The following CORO1C variants were observed in gnomAD, a reference collection of about 807,000 sequenced individuals.
The protein encoded by CORO1C is coronin 1C.
In CORO1C, 14 loss-of-function variants were observed where a neutral mutation model predicts 51.2. That is an observed-to-expected ratio of 0.27 (90% CI 0.18 to 0.43). CORO1C has a LOEUF of 0.43. CORO1C is among the 20% of genes least tolerant of loss of function. The pLI is 1.00. For missense variants in CORO1C, 417 were observed against 607.8 expected (o/e 0.69, Z 3.30); for synonymous variants, 181 against 210.5 (o/e 0.86, Z 1.21).
chr12:108,722,813 T>C (rs1362044626), intron 1 of CORO1C, among the ~76,000 whole-genome samples: 1 of 152,152 alleles, frequency 6.6e-6, no homozygotes, highest in Non-Finnish European at 1.5e-5. Flanking sequence ...CCTTTGAAGG[T>C]ATGATATGTT....
chr12:108,652,441 T>C (rs551622357), intron 7 of CORO1C, 24 bp from the exon 8 acceptor site: 1 of 1,601,862 alleles, frequency 6.2e-7, no homozygotes, highest in African/African-American at 1.3e-5. Flanking sequence ...GAGACAAGTC[T>C]GTGTCTGATT....
intron 4 of CORO1C, among the ~76,000 whole-genome samples, chr12:108,659,502 G>T (rs1046751019): frequency 6.6e-6 from 1 of 152,096 alleles, no homozygotes; most frequent in African/African-American, 2.4e-5. Context: ...TTACTTTTTT[G>T]ATGTTTCTTT....
intron 1 of CORO1C, among the ~76,000 whole-genome samples, chr12:108,708,753 T>G (rs974254358): frequency 1.3e-5 from 2 of 152,120 alleles, no homozygotes; most frequent in Non-Finnish European, 2.9e-5. Context: ...TGAGCCACCG[T>G]GCTCGGTCTA....
At chr12:108,679,109 C>CAAAAAAAAA (rs1183326267) in intron 2 of CORO1C, among the ~76,000 whole-genome samples, 3 of 22,134 alleles carry the variant, frequency 1.4e-4, no homozygotes, top group Non-Finnish European at 2.0e-4. Flanking sequence ...GACTCTGTCT[C>CAAAAAAAAA]AAAAAAAAAA....
In CORO1C at chr12:108,663,466, G is replaced by A. The variant is rs934449680; in HGVS notation, c.319-1308C>T. On this transcript the variant is annotated intron_variant, in intron 3 of 10. Transcript: ENST00000261401. ...ATCGATAAATGGCTGAACAAAATGCGACATATTCATACACTGGAATATTAT... is the reference window on the plus strand; with the variant it reads ...ATCGATAAATGGCTGAACAAAATGCAACATATTCATACACTGGAATATTAT... Among the ~76,000 whole-genome samples the A allele has an allele frequency of 8.5e-5, 13 of 152,272 alleles. No individual in the cohort carries two copies. In the East Asian group the frequency reaches 9.6e-4, roughly 11 times the overall value.
Position 108,649,027 on chromosome 12 carries a change from A to G in CORO1C, c.1002-7T>C, listed in dbSNP as rs1033970362. On this transcript the variant is annotated splice_region_variant and splice_polypyrimidine_tract_variant and intron_variant, in intron 8 of 10. Coordinates refer to ENST00000261401, the MANE Select transcript of CORO1C (RefSeq NM_014325.4). ...CTCATGAAGTTTGAAGAATCTTCAG[A>G]GGGGAAATAAAGGCAAAGTTGCATT... The G allele has an allele frequency of 6.2e-7, 1 of 1,613,946 alleles. No homozygotes were observed. Among genetic ancestry groups the G allele is most frequent in the Admixed American group, 1.7e-5 (1 of 59,964 alleles).
chr12:108,656,526 G>A (rs1325922062), intron 6 of CORO1C, among the ~76,000 whole-genome samples: 2 of 152,210 alleles, frequency 1.3e-5, no homozygotes, highest in South Asian at 2.1e-4. Flanking sequence ...CCCTCTGCCC[G>A]GCCACCATCC....
intron 6 of CORO1C, among the ~76,000 whole-genome samples, chr12:108,655,443 C>T (rs1468550742): frequency 4.6e-5 from 7 of 150,712 alleles, no homozygotes; most frequent in African/African-American, 1.7e-4. Context: ...CGAGCCGAAG[C>T]TGGACGCTGC....
At chr12:108,692,310 C>T (rs1054546529) in intron 2 of CORO1C, among the ~76,000 whole-genome samples, 1 of 152,214 alleles carries the variant, frequency 6.6e-6, no homozygotes, top group Non-Finnish European at 1.5e-5. Context: ...GAACAAAATC[C>T]TCTGCCCCTA....
chr12:108,671,528 A>C (rs2033720400), intron 3 of CORO1C, among the ~76,000 whole-genome samples: 1 of 152,078 alleles, frequency 6.6e-6, no homozygotes, highest in South Asian at 2.1e-4. Flanking sequence ...ATATATTGAA[A>C]GAGCATATCA....
chr12:108,696,466 G>C, intron 2 of CORO1C: 1 of 152,124 alleles, frequency 6.6e-6, no homozygotes, highest in East Asian at 1.9e-4. Flanking sequence ...TGGTGTGTAT[G>C]AGCCCTCCAT....
Position 108,657,323 on chromosome 12 carries a change from TGCCGCTC to T in CORO1C, c.724_730del (p.Glu242SerfsTer105). ...GCGTACCGGATTCCAGAGAGCCAGC[TGCCGCTC>T]GCTCATGCGGCTGAACCCAGTGGTG... is the stretch of plus-strand genomic sequence containing the variant. On this transcript the variant is annotated frameshift_variant, in exon 6 of 11. Transcript: ENST00000261401. LOFTEE classifies it high-confidence loss of function. 1 of 1,613,922 alleles carries T rather than the reference TGCCGCTC, an allele frequency of 6.2e-7. No homozygotes were observed. The highest frequency in any genetic ancestry group is 1.3e-5 in the African/African-American group (1 of 75,058).
intron 2 of CORO1C, among the ~76,000 whole-genome samples, chr12:108,696,758 GCAGAGTGGCAAGCCA>G (rs1276004725): frequency 1.3e-5 from 2 of 152,350 alleles, no homozygotes; most frequent in African/African-American, 4.8e-5. Flanking sequence ...AAAAGTCATG[GCAGAGTGGCAAGCCA>G]CAGCTTGATG....
intron 2 of CORO1C, among the ~76,000 whole-genome samples, chr12:108,694,941 T>C (rs2034625203): frequency 6.6e-6 from 1 of 152,248 alleles, no homozygotes; most frequent in Non-Finnish European, 1.5e-5. Flanking sequence ...AGTTATCAAC[T>C]GCTGATTAAC....
chr12:108,689,534 T>C (rs974407665), intron 2 of CORO1C, among the ~76,000 whole-genome samples: 3 of 152,224 alleles, frequency 2.0e-5, no homozygotes, highest in African/African-American at 7.2e-5. Flanking sequence ...CCTTATCTAA[T>C]CCAACTCAGG....
chr12:108,705,762 A>G (rs1158248414), intron 1 of CORO1C, among the ~76,000 whole-genome samples: 2 of 152,230 alleles, frequency 1.3e-5, no homozygotes, highest in Non-Finnish European at 2.9e-5. Context: ...AAAAAGAATT[A>G]GAATTATACA....
At position 108,701,323 on chromosome 12, in the gene CORO1C, T is replaced by C. The variant is rs373691988; in HGVS notation, c.-5A>G. On this transcript the variant is annotated splice_region_variant and 5_prime_UTR_variant, in exon 2 of 11. Coordinates refer to ENST00000261401, the MANE Select transcript of CORO1C (RefSeq NM_014325.4). ...CTGTCGTACCACTCGCCTCATCGTGTCTGCAAAGGAAGAGTGAGAATTATG... is the reference window on the plus strand; with the variant it reads ...CTGTCGTACCACTCGCCTCATCGTGCCTGCAAAGGAAGAGTGAGAATTATG... The C allele has an allele frequency of 5.9e-5, 95 of 1,614,060 alleles. No individual in the cohort carries two copies. The highest frequency in any genetic ancestry group is 1.0e-4 in the Admixed American group (6 of 59,998).
intron 4 of CORO1C, among the ~76,000 whole-genome samples, chr12:108,660,571 T>C (rs767579398): frequency 1.3e-5 from 2 of 151,886 alleles, no homozygotes; most frequent in Non-Finnish European, 2.9e-5. Context: ...TTCTTCCCTA[T>C]AGGCAAACAG....
chr12:108,672,677 T>A (rs932038359), intron 3 of CORO1C, among the ~76,000 whole-genome samples: 1 of 152,050 alleles, frequency 6.6e-6, no homozygotes. Context: ...TTAAACAAAT[T>A]GAAGCTTTTT....
Sources: gnomAD v4.1 joint callset for allele counts (sites outside exome capture counted in the v4.1 genomes callset) on GRCh38, gnomAD v4.1.1 for gene constraint, MANE v1.5 for transcripts, NCBI Gene and HGNC (gene_info 2026-07-23, HGNC 2026-07-21) for gene names.